The following CCDC148 variants were observed in gnomAD, a reference collection of about 807,000 sequenced individuals.
CCDC148 encodes coiled-coil domain containing 148.
A neutral mutation model predicts 85.7 loss-of-function variants in CCDC148; 89 were observed. The ratio of observed to expected loss-of-function variants is 1.04; its 90% CI spans 0.87 to 1.24. The LOEUF is 1.24. Among genes scored for constraint, CCDC148 ranks in the 50% most tolerant of loss-of-function variants. CCDC148 has a pLI of 0.00. For synonymous variants in CCDC148, 230 were observed against 213.9 expected (o/e 1.08, Z -0.66); for missense variants, 692 against 671.7 (o/e 1.03, Z -0.33).
chr2:158,199,025 A>C (rs940033003), intron 11 of CCDC148, among the ~76,000 whole-genome samples: 2 of 152,160 alleles, frequency 1.3e-5, no homozygotes, highest in Non-Finnish European at 2.9e-5. Context: ...TTAGTTAAGC[A>C]TAAAGGGATC....
At position 158,179,078 on chromosome 2, in the gene CCDC148, C is replaced by T. The variant is rs998456130; in HGVS notation, c.1371-82G>A. The T allele has an allele frequency of 1.0e-5, 10 of 955,900 alleles. No homozygotes were observed. In the African/African-American group the frequency reaches 1.6e-4, roughly 16 times the overall value. The allele number at this position is 955,900 out of a possible 1,614,324, so 59.2% of individuals were successfully genotyped here. A position where few individuals can be genotyped will look rare whatever the true frequency, so the allele number is the denominator to read the frequency against. On this transcript the variant is annotated intron_variant, in intron 11 of 13. Coordinates refer to ENST00000283233, the MANE Select transcript of CCDC148 (RefSeq NM_138803.4). Reference sequence around the variant, plus strand: ...TACAGAAAACAGCATAGGGGCAGAACACATCTCAGAGGTAACAGCACTGTC... The same window carrying T: ...TACAGAAAACAGCATAGGGGCAGAATACATCTCAGAGGTAACAGCACTGTC...
At chr2:158,436,043 C>T (rs1175858879) in intron 1 of CCDC148, among the ~76,000 whole-genome samples, 1 of 152,106 alleles carries the variant, frequency 6.6e-6, no homozygotes, top group African/African-American at 2.4e-5. Context: ...CTTTAACACC[C>T]CACTGTCAAC....
chr2:158,307,668 G>A (rs534967400), intron 9 of CCDC148, among the ~76,000 whole-genome samples: 2 of 152,120 alleles, frequency 1.3e-5, no homozygotes, highest in South Asian at 4.1e-4. Flanking sequence ...TCTGTTAGCA[G>A]GAAAATATAT....
chr2:158,411,132 CT>C (rs1352022180), intron 1 of CCDC148, among the ~76,000 whole-genome samples: 1 of 152,082 alleles, frequency 6.6e-6, no homozygotes, highest in Non-Finnish European at 1.5e-5. Flanking sequence ...CTGTCTTTGA[CT>C]TTTTACAGTT....
Position 158,340,262 on chromosome 2 carries a change from A to C in CCDC148, c.466T>G (p.Ser156Ala). 1 of 1,613,890 alleles carries C rather than the reference A, an allele frequency of 6.2e-7. No homozygotes were observed. The highest frequency in any genetic ancestry group is 8.5e-7 in the Non-Finnish European group (1 of 1,179,916). ...CTAACCTCTTCCAATACTTTCATGG[A>C]GTTAAACTCAATATGTGGGTGTGAA... ...QHSHPHIEFN[S>A]MKVLEEVDFV... is the part of the protein sequence containing the mutation. The change falls in exon 5 of 14, where the codon TCC (serine) becomes GCC (alanine). Residue 156 changes from serine to alanine, a missense_variant. Ser to Ala is a moderately conservative substitution (Grantham distance 99, BLOSUM62 1). Coordinates refer to ENST00000283233, the MANE Select transcript of CCDC148 (RefSeq NM_138803.4).
chr2:158,199,495 T>C (rs1189072563), intron 11 of CCDC148, among the ~76,000 whole-genome samples: 3 of 152,206 alleles, frequency 2.0e-5, no homozygotes, highest in African/African-American at 4.8e-5. Context: ...TCCACCCACC[T>C]TGGCCTCCCA....
intron 9 of CCDC148, among the ~76,000 whole-genome samples, chr2:158,262,399 C>CT (rs1351686036): frequency 5.3e-5 from 8 of 151,844 alleles, no homozygotes; most frequent in Non-Finnish European, 1.0e-4. Context: ...AGAAAAATAA[C>CT]TATAGGGTAG....
chr2:158,268,042 A>C (rs77811338), intron 9 of CCDC148, among the ~76,000 whole-genome samples: 2 of 152,192 alleles, frequency 1.3e-5, no homozygotes, highest in Non-Finnish European at 2.9e-5. Context: ...ATCACAAATT[A>C]AGCTGCTACA....
At chr2:158,244,018 A>C (rs1521859) in intron 10 of CCDC148, among the ~76,000 whole-genome samples, 148,490 of 152,076 alleles carry the variant, frequency 0.98, 72,587 homozygotes, top group East Asian at 1. Flanking sequence ...ATCCATCCTA[A>C]TTTTTCCAGT....
At chr2:158,450,312 G>C (rs1000978538) in intron 1 of CCDC148, among the ~76,000 whole-genome samples, 4 of 152,164 alleles carry the variant, frequency 2.6e-5, no homozygotes, top group African/African-American at 9.6e-5. Context: ...TATTTTAGAA[G>C]AACTTCAGAT....
intron 10 of CCDC148, among the ~76,000 whole-genome samples, chr2:158,226,572 C>A (rs1474414647): frequency 1.3e-5 from 2 of 152,308 alleles, no homozygotes; most frequent in East Asian, 3.9e-4. Context: ...TACTGGCAAA[C>A]TGAATCCAGC....
At chr2:158,312,243 T>C (rs1191035766) in intron 8 of CCDC148, among the ~76,000 whole-genome samples, 1 of 152,152 alleles carries the variant, frequency 6.6e-6, no homozygotes, top group Admixed American at 6.5e-5. Flanking sequence ...CTCAGCTTTG[T>C]TTTATAAAGC....
intron 10 of CCDC148, among the ~76,000 whole-genome samples, chr2:158,250,321 A>C (rs1189119531): frequency 6.6e-6 from 1 of 151,934 alleles, no homozygotes; most frequent in Non-Finnish European, 1.5e-5. Context: ...CCAAGAAGTA[A>C]ACTCTAAAGG....
chr2:158,390,953 C>T (rs1358619070), intron 1 of CCDC148, among the ~76,000 whole-genome samples: 4 of 152,254 alleles, frequency 2.6e-5, no homozygotes, highest in Admixed American at 2.0e-4. Flanking sequence ...AACCACTGCC[C>T]TATACAATAG....
intron 1 of CCDC148, among the ~76,000 whole-genome samples, chr2:158,438,383 C>T (rs1392453272): frequency 6.6e-6 from 1 of 152,112 alleles, no homozygotes; most frequent in Admixed American, 6.6e-5. Flanking sequence ...GAAATGATTC[C>T]CTATTTAATA....
At chr2:158,281,953 G>T (rs1312074972) in intron 9 of CCDC148, among the ~76,000 whole-genome samples, 1 of 151,778 alleles carries the variant, frequency 6.6e-6, no homozygotes, top group Non-Finnish European at 1.5e-5. Context: ...TTCATCCCTG[G>T]GATGCAAGGC....
rs1004699896 is a variant in CCDC148, at chr2:158,304,400, C to T, written c.1110+5033G>A. ...AGCTGGGCTTTCCAGGAAAGATGCT[C>T]CTGATGTGGGTCATGCTCATTTACC... On this transcript the variant is annotated intron_variant, in intron 9 of 13. Coordinates refer to ENST00000283233, the MANE Select transcript of CCDC148 (RefSeq NM_138803.4). Among the ~76,000 whole-genome samples, 8 of 152,228 alleles carry T rather than the reference C, an allele frequency of 5.3e-5. No individual in the cohort carries two copies. The South Asian group carries it at 1.7e-3, about 32-fold the overall frequency.
intron 1 of CCDC148, among the ~76,000 whole-genome samples, chr2:158,403,723 C>T (rs1010462836): frequency 1.6e-4 from 24 of 151,840 alleles, no homozygotes; most frequent in African/African-American, 4.8e-4. Flanking sequence ...CATGCAAACA[C>T]GAAACACTGT....
intron 9 of CCDC148, among the ~76,000 whole-genome samples, chr2:158,297,429 C>T (rs895418154): frequency 4.6e-5 from 7 of 152,144 alleles, no homozygotes; most frequent in Admixed American, 2.6e-4. Context: ...TTGTGATTAT[C>T]TCTGCCTCAA....
Sources: gnomAD v4.1 joint callset for allele counts (sites outside exome capture counted in the v4.1 genomes callset) on GRCh38, gnomAD v4.1.1 for gene constraint, MANE v1.5 for transcripts, NCBI Gene and HGNC (gene_info 2026-07-23, HGNC 2026-07-21) for gene names.